The following UGT1A3 variants were observed in gnomAD, a reference collection of about 807,000 sequenced individuals.
The protein encoded by UGT1A3 is UDP glucuronosyltransferase family 1 member A3, also known as UDP-glucuronosyltransferase 1A3.
UGT1A3 carries 31 observed loss-of-function variants against 41.0 expected under a neutral mutation model. That is an observed-to-expected ratio of 0.76 (90% CI 0.57 to 1.02). The LOEUF (loss-of-function observed/expected upper bound fraction) is 1.02. UGT1A3 is among the 50% of genes least tolerant of loss of function. The probability of loss-of-function intolerance (pLI) is 0.00; values close to 1 mark genes in which losing one functional copy is unlikely to be tolerated. For synonymous variants in UGT1A3, 262 were observed against 257.6 expected, an observed-to-expected ratio of 1.02 and a Z score of -0.17; for missense variants, 737 against 671.0, an observed-to-expected ratio of 1.10 and a Z score of -1.09.
chr2:233,772,289 C>T lies in UGT1A3; in HGVS notation c.1335C>T (p.Ser445=). Residue 445 remains serine (S), a synonymous_variant, in exon 5 of 5, where the codon TCC becomes TCT. Coordinates refer to ENST00000482026, the MANE Select transcript of UGT1A3 (RefSeq NM_019093.4). ...ACAAGGAGAACATCATGCGCCTCTC[C>T]AGCCTTCACAAGGACCGCCCGGTGG... is the stretch of plus-strand genomic sequence containing the variant. The part of the protein sequence containing the change: ...KSYKENIMRL[S]SLHKDRPVEP... The T allele has an allele frequency of 6.2e-7, 1 of 1,614,242 alleles. No homozygotes were observed. The highest frequency in any genetic ancestry group is 8.5e-7 in the Non-Finnish European group (1 of 1,180,054).
rs1215880389 is a variant in UGT1A3, at chr2:233,729,114, G to T, written c.-13G>T. On this transcript the variant is annotated 5_prime_UTR_variant, in exon 1 of 5. Coordinates refer to ENST00000482026, the MANE Select transcript of UGT1A3 (RefSeq NM_019093.4). Reference sequence around the variant, plus strand: ...GTGGGGTGGACAGTCAGCTGTCCGTGTCTTCTGCTGAGATGGCCACAGGAC... The same window carrying T: ...GTGGGGTGGACAGTCAGCTGTCCGTTTCTTCTGCTGAGATGGCCACAGGAC... The T allele has an allele frequency of 6.2e-7, 1 of 1,612,830 alleles. No homozygotes were observed.
chr2:233,745,165 T>C (rs992163806), intron 1 of UGT1A3, among the ~76,000 whole-genome samples: 1 of 151,884 alleles, frequency 6.6e-6, no homozygotes, highest in African/African-American at 2.4e-5. Flanking sequence ...CAAATGTGCA[T>C]GTTATTCACT....
chr2:233,759,702 G>A (rs780884491), intron 1 of UGT1A3, among the ~76,000 whole-genome samples: 4 of 150,764 alleles, frequency 2.7e-5, no homozygotes, highest in Admixed American at 2.0e-4. Context: ...ACCTCATGGC[G>A]CGTGCTCGTG....
intron 1 of UGT1A3, among the ~76,000 whole-genome samples, chr2:233,765,312 TTTA>T (rs1273770554): frequency 2.0e-5 from 3 of 152,204 alleles, no homozygotes; most frequent in African/African-American, 7.2e-5. Flanking sequence ...CACATATTTG[TTTA>T]TTGCAGCACT....
At chr2:233,764,298 G>A (rs1320441199) in intron 1 of UGT1A3, among the ~76,000 whole-genome samples, 1 of 152,076 alleles carries the variant, frequency 6.6e-6, no homozygotes, top group African/African-American at 2.4e-5. Flanking sequence ...GTGAAGTCAG[G>A]GTGAAGTTTA....
At chr2:233,747,803 A>G in intron 1 of UGT1A3, 1 of 1,613,426 alleles carries the variant, frequency 6.2e-7, no homozygotes, top group African/African-American at 1.3e-5. Context: ...TTCCTAAGTT[A>G]CTAACGACCA....
intron 1 of UGT1A3, chr2:233,743,074 A>G: frequency 2.9e-6 from 1 of 345,076 alleles, no homozygotes; most frequent in East Asian, 7.5e-5. Context: ...AGGTGTTGGC[A>G]TGAAGTGTTT....
chr2:233,736,099 G>A (rs1234908815), intron 1 of UGT1A3, among the ~76,000 whole-genome samples: 3 of 152,216 alleles, frequency 2.0e-5, no homozygotes, highest in African/African-American at 7.2e-5. Context: ...ATATCCTGAA[G>A]AGTGTTTTCC....
At chr2:233,746,697 A>G (rs1693455555) in intron 1 of UGT1A3, among the ~76,000 whole-genome samples, 1 of 151,702 alleles carries the variant, frequency 6.6e-6, no homozygotes, top group African/African-American at 2.4e-5. Context: ...CATTCCATAA[A>G]TATTTGGTGG....
rs1333399571 is a variant in UGT1A3 at position 233,769,871 on chromosome 2, A to AT, written c.1307+1432_1307+1433insT. 8.6e-6 allele frequency: 4 copies of AT among 463,518 alleles called. No individual in the cohort carries two copies. Among genetic ancestry groups the AT allele is most frequent in the Non-Finnish European group, 1.5e-5 (4 of 275,572 alleles). The allele number at this position is 463,518 out of a possible 1,614,324, so 28.7% of individuals were successfully genotyped here. A position where few individuals can be genotyped will look rare whatever the true frequency, so the allele number is the denominator to read the frequency against. Reference sequence around the variant, plus strand: ...AGACCCTGTCTCAAAAAAAAAAAAAAAAATGAAAAGTCCACATAACCTGAG... The same window carrying AT: ...AGACCCTGTCTCAAAAAAAAAAAAAATAAATGAAAAGTCCACATAACCTGAG... On this transcript the variant is annotated intron_variant, in intron 4 of 4. Transcript: ENST00000482026. The surrounding 1 kb of genome is among the most constrained non-coding windows in gnomAD (Gnocchi z 4.4).
intron 1 of UGT1A3, chr2:233,743,776 C>T: frequency 7.3e-7 from 1 of 1,367,308 alleles, no homozygotes; most frequent in Non-Finnish European, 9.8e-7. Context: ...CGGCCACCTG[C>T]TTGAATCTCC....
intron 1 of UGT1A3, among the ~76,000 whole-genome samples, chr2:233,735,435 G>C (rs2078651212): frequency 6.6e-6 from 1 of 152,062 alleles, no homozygotes; most frequent in South Asian, 2.1e-4. Flanking sequence ...CCTGAATACA[G>C]CATACCGATG....
chr2:233,755,908 T>G (rs1323849198), intron 1 of UGT1A3: 1 of 151,610 alleles, frequency 6.6e-6, no homozygotes, highest in African/African-American at 2.4e-5. Flanking sequence ...CAAAATGTAG[T>G]GAGAAGAGTG....
intron 1 of UGT1A3, among the ~76,000 whole-genome samples, chr2:233,757,694 G>A (rs757732265): frequency 2.0e-5 from 3 of 151,666 alleles, no homozygotes; most frequent in Non-Finnish European, 4.4e-5. Flanking sequence ...ATTCAAGGAA[G>A]GTGGCTTTGC....
At chr2:233,741,911 A>C (rs909136076) in intron 1 of UGT1A3, 2 of 151,838 alleles carry the variant, frequency 1.3e-5, no homozygotes, top group African/African-American at 4.9e-5. Flanking sequence ...GTGATGGAAA[A>C]GGTCTTCATT....
chr2:233,744,723 G>C (rs187577100), intron 1 of UGT1A3, among the ~76,000 whole-genome samples: 1 of 151,758 alleles, frequency 6.6e-6, no homozygotes, highest in African/African-American at 2.4e-5. Context: ...AGAGAATGAC[G>C]GTGAAAAAAT....
chr2:233,767,957 G>A (rs1699529946), intron 3 of UGT1A3, 21 bp downstream of exon 3: 6 of 1,614,186 alleles, frequency 3.7e-6, no homozygotes, highest in South Asian at 1.1e-5. Flanking sequence ...CGGATTGGAT[G>A]TATAGGTCAA....
intron 1 of UGT1A3, chr2:233,756,082 A>G (rs549873303): frequency 1.3e-5 from 2 of 152,358 alleles, no homozygotes; most frequent in African/African-American, 4.8e-5. Flanking sequence ...CAATGAGAAA[A>G]TCAAGTAACA....
At chr2:233,767,764 C>A (rs1699474752) in intron 2 of UGT1A3, 85 bp from the exon 3 acceptor site, 1 of 1,608,290 alleles carries the variant, frequency 6.2e-7, no homozygotes, top group East Asian at 2.2e-5. Flanking sequence ...TTCAGAGGAC[C>A]CCTGTTTTCT....
Sources: gnomAD v4.1 joint callset for allele counts (sites outside exome capture counted in the v4.1 genomes callset) on GRCh38, gnomAD v4.1.1 for gene constraint, Gnocchi (gnomAD v3.1) non-coding constraint, MANE v1.5 for transcripts, NCBI Gene and HGNC (gene_info 2026-07-23, HGNC 2026-07-21) for gene names.